The following FOXO1 variants were observed in gnomAD, a reference collection of about 807,000 sequenced individuals.
The protein encoded by FOXO1 is forkhead box O1, also known as forkhead box protein O1.
In FOXO1, 6 loss-of-function variants were observed where a neutral mutation model predicts 44.1. The ratio of observed to expected loss-of-function variants is 0.14; its 90% CI spans 0.07 to 0.27. The LOEUF is 0.27. Ranked by LOEUF, FOXO1 falls within the 10% of genes least tolerant of loss-of-function variation. FOXO1 has a pLI of 1.00. For missense variants in FOXO1, 737 were observed against 888.8 expected, an observed-to-expected ratio of 0.83 and a Z score of 2.17; for synonymous variants, 380 against 362.7, an observed-to-expected ratio of 1.05 and a Z score of -0.54.
intron 1 of FOXO1, among the ~76,000 whole-genome samples, chr13:40,569,047 C>G (rs1298372178): frequency 1.3e-5 from 2 of 152,238 alleles, no homozygotes; most frequent in African/African-American, 4.8e-5. Context: ...CCTATGGTCT[C>G]AAACCGCTAT....
chr13:40,656,412 A>T (rs1278188673), intron 1 of FOXO1, among the ~76,000 whole-genome samples: 1 of 152,260 alleles, frequency 6.6e-6, no homozygotes, highest in Admixed American at 6.5e-5. Context: ...TTAATTTAAT[A>T]GTAATCTTTC....
chr13:40,609,724 T>G (rs1425860928), intron 1 of FOXO1, among the ~76,000 whole-genome samples: 1 of 152,128 alleles, frequency 6.6e-6, no homozygotes, highest in African/African-American at 2.4e-5. Flanking sequence ...GGAAAAAAAT[T>G]CCTCAAGGCC....
chr13:40,616,580 TAGC>T (rs1345376819), intron 1 of FOXO1, among the ~76,000 whole-genome samples: 1 of 152,172 alleles, frequency 6.6e-6, no homozygotes, highest in Admixed American at 6.5e-5. Flanking sequence ...AACTCACAGG[TAGC>T]AGCAGCGGGA....
At chr13:40,659,684 A>G (rs564572052) in intron 1 of FOXO1, among the ~76,000 whole-genome samples, 1 of 151,736 alleles carries the variant, frequency 6.6e-6, no homozygotes, top group African/African-American at 2.4e-5. Flanking sequence ...TGGATGAAAG[A>G]AAAAAAAAGT....
intron 1 of FOXO1, chr13:40,619,594 A>T: frequency 1.3e-6 from 2 of 1,513,758 alleles, no homozygotes; most frequent in Non-Finnish European, 1.8e-6. Flanking sequence ...TCATATTACA[A>T]ATAGGCAACA....
intron 1 of FOXO1, among the ~76,000 whole-genome samples, chr13:40,628,054 C>A (rs1479691875): frequency 6.6e-6 from 1 of 152,008 alleles, no homozygotes; most frequent in Non-Finnish European, 1.5e-5. Flanking sequence ...CACATGTATA[C>A]ATATATACAT....
chr13:40,612,497 A>C (rs1443245658), intron 1 of FOXO1, among the ~76,000 whole-genome samples: 1 of 152,246 alleles, frequency 6.6e-6, no homozygotes, highest in African/African-American at 2.4e-5. Context: ...ACGTATACAC[A>C]CACGTGCGTT....
chr13:40,626,601 T>C (rs551121251), intron 1 of FOXO1, among the ~76,000 whole-genome samples: 1 of 152,330 alleles, frequency 6.6e-6, no homozygotes, highest in East Asian at 1.9e-4. Flanking sequence ...ACAGAAATGA[T>C]AACTAGGCTA....
intron 1 of FOXO1, among the ~76,000 whole-genome samples, chr13:40,579,139 A>G (rs1039554507): frequency 1.3e-5 from 2 of 152,238 alleles, no homozygotes; most frequent in African/African-American, 4.8e-5. Flanking sequence ...TTCAAAAAGC[A>G]TAAAGGGCTA....
At chr13:40,586,602 T>C (rs1875177759) in intron 1 of FOXO1, among the ~76,000 whole-genome samples, 2 of 152,150 alleles carry the variant, frequency 1.3e-5, no homozygotes, top group South Asian at 2.1e-4. Flanking sequence ...TGGGAAATAG[T>C]GTGTAGTATC....
At chr13:40,593,353 A>G (rs1417423100) in intron 1 of FOXO1, among the ~76,000 whole-genome samples, 2 of 152,152 alleles carry the variant, frequency 1.3e-5, no homozygotes, top group Admixed American at 6.5e-5. Context: ...GAATTAGACT[A>G]TTTAAAATCT....
At chr13:40,629,046 T>G (rs1340308545) in intron 1 of FOXO1, among the ~76,000 whole-genome samples, 1 of 152,106 alleles carries the variant, frequency 6.6e-6, no homozygotes, top group Non-Finnish European at 1.5e-5. Flanking sequence ...TCCTAAGACC[T>G]CAATACTTGA....
intron 1 of FOXO1, among the ~76,000 whole-genome samples, chr13:40,585,986 C>T (rs1270957799): frequency 6.6e-6 from 1 of 152,168 alleles, no homozygotes; most frequent in Non-Finnish European, 1.5e-5. Context: ...TGTGAACTCC[C>T]TCCTCATTTC....
intron 1 of FOXO1, among the ~76,000 whole-genome samples, chr13:40,617,678 T>TCC (rs1160802083): frequency 3.3e-5 from 5 of 151,664 alleles, no homozygotes; most frequent in African/African-American, 1.2e-4. Flanking sequence ...ACAGAAGGAA[T>TCC]ACCAAACATG....
At chr13:40,610,738 A>G (rs945920371) in intron 1 of FOXO1, among the ~76,000 whole-genome samples, 1 of 152,278 alleles carries the variant, frequency 6.6e-6, no homozygotes, top group African/African-American at 2.4e-5. Context: ...GTTTCAATAT[A>G]GGCTATAAAA....
chr13:40,629,842 A>G (rs181083072), intron 1 of FOXO1, among the ~76,000 whole-genome samples: 3 of 152,296 alleles, frequency 2.0e-5, no homozygotes, highest in Admixed American at 2.0e-4. Flanking sequence ...CTTGTGGGGC[A>G]CTGTGTTCTG....
At chr13:40,634,031 T>C (rs1196927779) in intron 1 of FOXO1, among the ~76,000 whole-genome samples, 1 of 152,186 alleles carries the variant, frequency 6.6e-6, no homozygotes, top group East Asian at 1.9e-4. Flanking sequence ...GAAACTGAAT[T>C]ATGGGAAGTT....
intron 1 of FOXO1, among the ~76,000 whole-genome samples, chr13:40,585,340 C>CGT (rs1875119131): frequency 1.6e-5 from 2 of 123,732 alleles, no homozygotes; most frequent in South Asian, 2.9e-4. Context: ...CCTCTGCGCG[C>CGT]GCGCACACAC....
intron 1 of FOXO1, among the ~76,000 whole-genome samples, chr13:40,659,327 A>AAAG (rs1566087485): frequency 2.5e-4 from 38 of 151,130 alleles, no homozygotes; most frequent in Admixed American, 5.9e-4. Flanking sequence ...AAAAAAAAAA[A>AAAG]AAAAGAAAAG....
Sources: allele counts gnomAD v4.1 joint callset (sites outside exome capture counted in the v4.1 genomes callset), GRCh38; gene constraint gnomAD v4.1.1; transcripts MANE v1.5; gene names NCBI Gene and HGNC (gene_info 2026-07-23, HGNC 2026-07-21).